LRRC4C: variants seen among roughly 807,000 people sequenced by gnomAD.
LRRC4C encodes the protein leucine rich repeat containing 4C.
A neutral mutation model predicts 33.6 loss-of-function variants in LRRC4C; 5 were observed. The observed-to-expected ratio is 0.15, with a 90% CI of 0.08 to 0.31. The LOEUF (loss-of-function observed/expected upper bound fraction) is 0.31. LRRC4C is among the 10% of genes least tolerant of loss of function. The probability of loss-of-function intolerance (pLI) is 1.00; values close to 1 mark genes in which losing one functional copy is unlikely to be tolerated. For synonymous variants in LRRC4C, 329 were observed against 302.0 expected (o/e 1.09, Z -0.93); for missense variants, 560 against 796.7 (o/e 0.70, Z 3.58).
chr11:41,200,732 GC>G (rs1338676856), intron 1 of LRRC4C, among the ~76,000 whole-genome samples: 2 of 151,936 alleles, frequency 1.3e-5, no homozygotes, highest in Non-Finnish European at 2.9e-5. Flanking sequence ...CCAAAATATG[GC>G]CCCCCCAAAA....
At chr11:40,696,741 A>G (rs1012516777) in intron 2 of LRRC4C, among the ~76,000 whole-genome samples, 2 of 75,804 alleles carry the variant, frequency 2.6e-5, no homozygotes, top group Non-Finnish European at 5.7e-5. Flanking sequence ...GCATATATAT[A>G]CACTGTGTAT....
At chr11:40,916,260 T>C (rs1050187738) in intron 2 of LRRC4C, among the ~76,000 whole-genome samples, 46 of 152,216 alleles carry the variant, frequency 3.0e-4, no homozygotes, top group African/African-American at 1.1e-3. Flanking sequence ...ATGTTTATTG[T>C]GGCACTATTC....
intron 1 of LRRC4C, among the ~76,000 whole-genome samples, chr11:40,950,367 T>C (rs1958640200): frequency 6.6e-6 from 1 of 152,108 alleles, no homozygotes; most frequent in African/African-American, 2.4e-5. Flanking sequence ...AGAAAACCCT[T>C]ACTTTTCCAC....
chr11:40,238,147 A>G (rs1289489824), intron 5 of LRRC4C, among the ~76,000 whole-genome samples: 1 of 152,208 alleles, frequency 6.6e-6, no homozygotes. Context: ...GGTAGGCAAC[A>G]AAAGAGATGG....
chr11:40,894,539 G>A (rs931136703), intron 2 of LRRC4C, among the ~76,000 whole-genome samples: 3 of 152,056 alleles, frequency 2.0e-5, no homozygotes, highest in African/African-American at 7.2e-5. Flanking sequence ...TTTGATTATG[G>A]GATTTTGTTA....
intron 1 of LRRC4C, among the ~76,000 whole-genome samples, chr11:41,372,710 T>C (rs1053318612): frequency 6.6e-6 from 1 of 151,558 alleles, no homozygotes; most frequent in Non-Finnish European, 1.5e-5. Context: ...TGGGCTAATG[T>C]TGGGTTTGGG....
intron 2 of LRRC4C, among the ~76,000 whole-genome samples, chr11:40,664,582 T>C (rs1017602427): frequency 3.3e-5 from 5 of 151,598 alleles, no homozygotes; most frequent in Non-Finnish European, 7.4e-5. Flanking sequence ...AAGTTTGTAA[T>C]GGATGCAGAA....
chr11:41,398,888 C>T (rs2138082162), intron 1 of LRRC4C, among the ~76,000 whole-genome samples: 1 of 151,828 alleles, frequency 6.6e-6, no homozygotes, highest in South Asian at 2.1e-4. Flanking sequence ...CCTTATTGGC[C>T]TCTCTCCCAA....
chr11:40,757,984 T>G (rs1949030210), intron 2 of LRRC4C, among the ~76,000 whole-genome samples: 1 of 152,088 alleles, frequency 6.6e-6, no homozygotes, highest in Non-Finnish European at 1.5e-5. Context: ...GAGAGTAGGA[T>G]GCATTATGTG....
intron 2 of LRRC4C, among the ~76,000 whole-genome samples, chr11:40,719,706 C>G (rs1345596431): frequency 1.3e-5 from 2 of 152,138 alleles, no homozygotes; most frequent in Non-Finnish European, 2.9e-5. Flanking sequence ...TTATAAGGAA[C>G]ATTGGAGTAA....
intron 1 of LRRC4C, among the ~76,000 whole-genome samples, chr11:41,237,569 C>T (rs796112550): frequency 6.6e-6 from 1 of 152,094 alleles, no homozygotes; most frequent in South Asian, 2.1e-4. Flanking sequence ...GGATGACATT[C>T]CTTAAAACTA....
intron 3 of LRRC4C, among the ~76,000 whole-genome samples, chr11:40,459,850 C>T (rs918881212): frequency 6.6e-6 from 1 of 152,158 alleles, no homozygotes; most frequent in Non-Finnish European, 1.5e-5. Context: ...TGCTGGCTAC[C>T]TTTTCGCCCC....
intron 2 of LRRC4C, among the ~76,000 whole-genome samples, chr11:40,847,284 G>C (rs1953229744): frequency 6.6e-6 from 1 of 152,122 alleles, no homozygotes; most frequent in Admixed American, 6.6e-5. Context: ...CTGTAGGTTT[G>C]TCATAAATAG....
At chr11:40,553,440 CAT>C (rs1194024148) in intron 3 of LRRC4C, among the ~76,000 whole-genome samples, 3 of 152,076 alleles carry the variant, frequency 2.0e-5, no homozygotes, top group East Asian at 1.9e-4. Flanking sequence ...ATTGAGGTAA[CAT>C]AATTTTTTTT....
intron 1 of LRRC4C, among the ~76,000 whole-genome samples, chr11:41,222,573 A>G (rs1947353844): frequency 6.6e-6 from 1 of 152,138 alleles, no homozygotes; most frequent in Non-Finnish European, 1.5e-5. Flanking sequence ...GCTCTCTGTT[A>G]TAAATGCTGC....
At chr11:40,327,213 A>C (rs1003361619) in intron 3 of LRRC4C, among the ~76,000 whole-genome samples, 2 of 152,234 alleles carry the variant, frequency 1.3e-5, no homozygotes, top group African/African-American at 4.8e-5. Flanking sequence ...CTGAGGAGCC[A>C]TGCAGAAATC....
intron 3 of LRRC4C, among the ~76,000 whole-genome samples, chr11:40,543,823 C>T (rs1380007720): frequency 1.3e-5 from 2 of 152,122 alleles, no homozygotes; most frequent in South Asian, 2.1e-4. Context: ...CAACAGTGAT[C>T]ATTTGAGGAC....
chr11:41,117,928 G>A (rs1178761448), intron 1 of LRRC4C, among the ~76,000 whole-genome samples: 1 of 152,102 alleles, frequency 6.6e-6, no homozygotes, highest in Non-Finnish European at 1.5e-5. Flanking sequence ...AATAGTGAAA[G>A]ATATTGATAA....
chr11:41,010,746 G>A (rs1247478412), intron 1 of LRRC4C, among the ~76,000 whole-genome samples: 1 of 152,192 alleles, frequency 6.6e-6, no homozygotes, highest in African/African-American at 2.4e-5. Flanking sequence ...CCTCCACTGA[G>A]AATCAGGACT....
Sources: allele counts gnomAD v4.1 joint callset (sites outside exome capture counted in the v4.1 genomes callset), GRCh38; gene constraint gnomAD v4.1.1; transcripts MANE v1.5; gene names NCBI Gene and HGNC (gene_info 2026-07-23, HGNC 2026-07-21).